Variants in CSMD1 observed in about 807,000 individuals in gnomAD.
CSMD1 encodes CUB and Sushi multiple domains 1.
Under a neutral mutation model 417.5 loss-of-function variants are expected in CSMD1, and 213 were observed. The ratio of observed to expected loss-of-function variants is 0.51; its 90% confidence interval spans 0.46 to 0.57. The LOEUF (loss-of-function observed/expected upper bound fraction) is 0.57. Among genes scored for constraint, CSMD1 ranks in the 20% least tolerant of loss-of-function variants. The pLI is 0.00. For synonymous variants in CSMD1, 2,862 were observed against 1,736.8 expected (o/e 1.65, Z -16.11); for missense variants, 6,923 against 4,529.7 (o/e 1.53, Z -15.17).
intron 1 of CSMD1, among the ~76,000 whole-genome samples, chr8:4,717,138 G>GA (rs924312837): frequency 6.6e-6 from 1 of 150,760 alleles, no homozygotes; most frequent in Non-Finnish European, 1.5e-5. Context: ...TAATCATTAG[G>GA]AAAAAAAACT....
intron 2 of CSMD1, among the ~76,000 whole-genome samples, chr8:4,438,164 C>T (rs1490197435): frequency 6.6e-6 from 1 of 152,132 alleles, no homozygotes; most frequent in African/African-American, 2.4e-5. Flanking sequence ...TTAGATATTG[C>T]TGACTTCTTA....
At chr8:4,089,268 G>T (rs1320720841) in intron 3 of CSMD1, among the ~76,000 whole-genome samples, 1 of 152,128 alleles carries the variant, frequency 6.6e-6, no homozygotes, top group Non-Finnish European at 1.5e-5. Flanking sequence ...ATTTTCTCCA[G>T]GAATTAGTGG....
At chr8:4,401,891 G>T (rs1804669142) in intron 3 of CSMD1, among the ~76,000 whole-genome samples, 1 of 151,970 alleles carries the variant, frequency 6.6e-6, no homozygotes, top group African/African-American at 2.4e-5. Context: ...TCTGTCTTCA[G>T]GTTACTCACA....
intron 3 of CSMD1, among the ~76,000 whole-genome samples, chr8:4,375,732 C>G (rs929430711): frequency 6.6e-6 from 1 of 152,272 alleles, no homozygotes; most frequent in East Asian, 1.9e-4. Context: ...TCCTCACTTC[C>G]CGACTGCCTG....
chr8:4,929,393 T>A (rs575329533), intron 1 of CSMD1, among the ~76,000 whole-genome samples: 1 of 152,294 alleles, frequency 6.6e-6, no homozygotes, highest in African/African-American at 2.4e-5. Flanking sequence ...AAAGGACTCC[T>A]CCTAAATAAC....
rs577886970 is a variant in CSMD1 at position 3,828,783 on chromosome 8, C to A, written c.819-74741G>T. ...TGAGGTCCTGTCACTTCCTCCCAAG[C>A]ATCCTTCCACTGCACCTCAAGTTAC... On this transcript the variant is annotated intron_variant, in intron 5 of 69. Transcript: ENST00000635120. Among the ~76,000 whole-genome samples the A allele has an allele frequency of 4.1e-4, 62 of 152,258 alleles. No individual in the cohort carries two copies. The South Asian group carries it at 8.7e-3, about 21-fold the overall frequency.
At chr8:4,214,190 T>A (rs758376913) in intron 3 of CSMD1, among the ~76,000 whole-genome samples, 4 of 152,236 alleles carry the variant, frequency 2.6e-5, no homozygotes, top group African/African-American at 9.6e-5. Context: ...TTACATAGGA[T>A]ACGGCTCAAT....
intron 10 of CSMD1, among the ~76,000 whole-genome samples, chr8:3,521,809 T>C (rs78929269): frequency 0.017 from 2,612 of 152,340 alleles, 43 homozygotes; most frequent in African/African-American, 0.046. Flanking sequence ...ATTCTCTGTA[T>C]ACACACCTTC....
At chr8:3,005,369 C>G (rs1317111852) in intron 52 of CSMD1, among the ~76,000 whole-genome samples, 1 of 152,160 alleles carries the variant, frequency 6.6e-6, no homozygotes, top group Non-Finnish European at 1.5e-5. Flanking sequence ...ACCATTCCTT[C>G]TGAAACTATT....
intron 1 of CSMD1, among the ~76,000 whole-genome samples, chr8:4,658,822 T>C (rs1759910822): frequency 1.3e-5 from 2 of 152,146 alleles, no homozygotes; most frequent in Admixed American, 6.6e-5. Context: ...ACACAATTTA[T>C]GAGGATATAA....
intron 7 of CSMD1, among the ~76,000 whole-genome samples, chr8:3,705,956 G>GTA (rs1021186892): frequency 2.6e-5 from 4 of 152,242 alleles, no homozygotes; most frequent in Admixed American, 2.6e-4. Context: ...GTCACCTTGG[G>GTA]TATCAAGAAC....
intron 26 of CSMD1, among the ~76,000 whole-genome samples, chr8:3,252,130 G>T (rs1021622214): frequency 9.2e-5 from 14 of 152,306 alleles, no homozygotes; most frequent in African/African-American, 3.4e-4. Context: ...GCGCATCCCT[G>T]TCTTGTGACA....
intron 69 of CSMD1, among the ~76,000 whole-genome samples, chr8:2,940,408 G>T (rs1182372910): frequency 6.6e-6 from 1 of 152,176 alleles, no homozygotes; most frequent in East Asian, 1.9e-4. Flanking sequence ...CAGCCTCTTG[G>T]TCTTGGTGCA....
At chr8:4,968,556 A>G (rs143392953) in intron 1 of CSMD1, among the ~76,000 whole-genome samples, 126 of 152,198 alleles carry the variant, frequency 8.3e-4, no homozygotes, top group African/African-American at 2.9e-3. Context: ...TTTTTTATAT[A>G]TATTTTTTTC....
chr8:4,688,174 T>C (rs1367891061), intron 1 of CSMD1, among the ~76,000 whole-genome samples: 2 of 152,214 alleles, frequency 1.3e-5, no homozygotes, highest in African/African-American at 2.4e-5. Flanking sequence ...AGGAGTTTTT[T>C]GTGAGTGTAC....
intron 1 of CSMD1, among the ~76,000 whole-genome samples, chr8:4,877,752 G>T (rs1803138996): frequency 6.6e-6 from 1 of 152,100 alleles, no homozygotes; most frequent in Admixed American, 6.5e-5. Flanking sequence ...CACTTTCAAA[G>T]GATGTATTCA....
intron 3 of CSMD1, among the ~76,000 whole-genome samples, chr8:4,255,936 C>A (rs959216423): frequency 2.0e-5 from 3 of 152,134 alleles, no homozygotes. Flanking sequence ...TGACTTTCTC[C>A]CCACAGCCTA....
At chr8:4,893,048 A>C (rs958448438) in intron 1 of CSMD1, among the ~76,000 whole-genome samples, 2 of 152,160 alleles carry the variant, frequency 1.3e-5, no homozygotes, top group African/African-American at 4.8e-5. Context: ...ACTGACTTCC[A>C]GGAATGAGGG....
rs746027426 is a variant in CSMD1, at chr8:3,308,309, C to T, written c.3823+3G>A. The T allele has an allele frequency of 2.1e-5, 34 of 1,598,818 alleles. No individual in the cohort carries two copies. In the East Asian group the frequency reaches 2.3e-4, roughly 11 times the overall value. ...ACAATGGTATGACTGCTTCCACACT[C>T]ACCTATGCACGAAGGTAGTGGTTTG... On this transcript the variant is annotated splice_donor_region_variant and intron_variant, in intron 24 of 69. Coordinates refer to ENST00000635120, the MANE Select transcript of CSMD1 (RefSeq NM_033225.6).
Sources: allele counts gnomAD v4.1 joint callset (sites outside exome capture counted in the v4.1 genomes callset), GRCh38; gene constraint gnomAD v4.1.1; transcripts MANE v1.5; gene names NCBI Gene and HGNC (gene_info 2026-07-23, HGNC 2026-07-21).